The following RASGRF2 variants were observed in gnomAD, a reference collection of about 807,000 sequenced individuals.
RASGRF2 encodes Ras protein specific guanine nucleotide releasing factor 2, also known as ras-specific guanine nucleotide-releasing factor 2.
RASGRF2 carries 76 observed loss-of-function variants against 151.0 expected under a neutral mutation model. The ratio of observed to expected loss-of-function variants is 0.50; its 90% CI spans 0.42 to 0.61. The LOEUF is 0.61. Among genes scored for constraint, RASGRF2 ranks in the 20% least tolerant of loss-of-function variants. The probability of loss-of-function intolerance (pLI) is 0.00; values close to 1 mark genes in which losing one functional copy is unlikely to be tolerated. For synonymous variants in RASGRF2, 504 were observed against 566.5 expected (o/e 0.89, Z 1.57); for missense variants, 1,148 against 1,564.6 (o/e 0.73, Z 4.49).
At chr5:81,156,230 TCA>T (rs1754258294) in intron 17 of RASGRF2, among the ~76,000 whole-genome samples, 1 of 152,170 alleles carries the variant, frequency 6.6e-6, no homozygotes, top group Non-Finnish European at 1.5e-5. Flanking sequence ...CTAGATGGGC[TCA>T]CAGGTCTTTT....
intron 1 of RASGRF2, among the ~76,000 whole-genome samples, chr5:80,982,761 C>T (rs111789252): frequency 0.27 from 41,236 of 151,482 alleles, 5,985 homozygotes; most frequent in Middle Eastern, 0.41. Context: ...CCACCACCCC[C>T]GGCTCATTTT....
intron 12 of RASGRF2, among the ~76,000 whole-genome samples, chr5:81,098,933 A>G (rs1304080993): frequency 6.6e-6 from 1 of 152,242 alleles, no homozygotes; most frequent in Non-Finnish European, 1.5e-5. Context: ...TATTGTGTAT[A>G]TGTGAAAATA....
chr5:81,181,948 T>C (rs1361568648), intron 18 of RASGRF2, among the ~76,000 whole-genome samples: 1 of 146,152 alleles, frequency 6.8e-6, no homozygotes, highest in Non-Finnish European at 1.5e-5. Context: ...GACAGAATGC[T>C]GGGAGTTTTT....
chr5:81,092,023 G>A (rs1338002096), intron 9 of RASGRF2, among the ~76,000 whole-genome samples: 1 of 152,084 alleles, frequency 6.6e-6, no homozygotes, highest in African/African-American at 2.4e-5. Context: ...ACTTAGATTG[G>A]AATTTTATTT....
chr5:81,215,450 C>G (rs899176797), intron 23 of RASGRF2, among the ~76,000 whole-genome samples: 1 of 151,632 alleles, frequency 6.6e-6, no homozygotes, highest in African/African-American at 2.4e-5. Flanking sequence ...TTTGTACTTT[C>G]AATAGAGATG....
intron 19 of RASGRF2, 58 bp downstream of exon 19, chr5:81,201,500 A>G: frequency 6.6e-7 from 1 of 1,522,552 alleles, no homozygotes; most frequent in South Asian, 1.2e-5. Flanking sequence ...CTATGTTCAT[A>G]GAAAATAAGA....
intron 2 of RASGRF2, among the ~76,000 whole-genome samples, chr5:81,056,539 T>C (rs1269889034): frequency 6.6e-6 from 1 of 152,258 alleles, no homozygotes; most frequent in Non-Finnish European, 1.5e-5. Context: ...AGGAGTGCTT[T>C]ACTTCCAACT....
intron 8 of RASGRF2, 55 bp downstream of exon 8, chr5:81,085,966 C>T (rs1752218430): frequency 1.9e-6 from 3 of 1,610,586 alleles, no homozygotes; most frequent in Non-Finnish European, 1.7e-6. Context: ...AAGTTAGTCT[C>T]TTGTGGAAAC....
intron 16 of RASGRF2, 150 bp downstream of exon 16, chr5:81,123,917 T>C: frequency 9.2e-7 from 1 of 1,082,530 alleles, no homozygotes; most frequent in Non-Finnish European, 1.3e-6. Flanking sequence ...GTCGGCCCTT[T>C]GTATCTGTGG....
chr5:81,070,396 A>T (rs922669683), intron 3 of RASGRF2, 96 bp from the exon 4 acceptor site: 21 of 968,872 alleles, frequency 2.2e-5, no homozygotes, highest in Non-Finnish European at 3.3e-6. Flanking sequence ...TTTCCTGAGG[A>T]TCTCATTGGA....
chr5:81,215,517 C>T (rs1035167259), intron 23 of RASGRF2, among the ~76,000 whole-genome samples: 1 of 151,922 alleles, frequency 6.6e-6, no homozygotes, highest in African/African-American at 2.4e-5. Flanking sequence ...GTGATCAACC[C>T]GCCTCAGCCT....
intron 1 of RASGRF2, among the ~76,000 whole-genome samples, chr5:80,988,982 AT>A (rs552090820): frequency 3.2e-3 from 459 of 143,962 alleles, no homozygotes; most frequent in East Asian, 5.9e-3. Context: ...ATCATAATTG[AT>A]TTTTTTTTTT....
At position 81,060,479 on chromosome 5, in the gene RASGRF2, A is replaced by G. The variant is rs549412619; in HGVS notation, c.396-7553A>G. 2.4e-4 allele frequency among the ~76,000 whole-genome samples: 36 copies of G among 151,740 alleles called. No individual in the cohort carries two copies. In the South Asian group the frequency reaches 7.5e-3, roughly 32 times the overall value. ...CCCTACTTCCTGTTCTCCTCTTACCATTTTTCCTCTACAGTACTCATCACC... is the reference window on the plus strand; with the variant it reads ...CCCTACTTCCTGTTCTCCTCTTACCGTTTTTCCTCTACAGTACTCATCACC... On this transcript the variant is annotated intron_variant, in intron 2 of 26. Coordinates refer to ENST00000265080, the MANE Select transcript of RASGRF2 (RefSeq NM_006909.3).
intron 15 of RASGRF2, among the ~76,000 whole-genome samples, chr5:81,120,737 G>A (rs1038664674): frequency 6.6e-6 from 1 of 152,228 alleles, no homozygotes; most frequent in Non-Finnish European, 1.5e-5. Flanking sequence ...CCTGACTTTG[G>A]TTCCAAGCTC....
intron 9 of RASGRF2, among the ~76,000 whole-genome samples, chr5:81,089,220 T>TA (rs1200209020): frequency 6.6e-6 from 1 of 152,194 alleles, no homozygotes; most frequent in Non-Finnish European, 1.5e-5. Context: ...ATTATTATTT[T>TA]AAAAAAATTT....
At chr5:81,179,859 C>T (rs1754872128) in intron 17 of RASGRF2, among the ~76,000 whole-genome samples, 1 of 152,178 alleles carries the variant, frequency 6.6e-6, no homozygotes, top group South Asian at 2.1e-4. Flanking sequence ...GGTTAAGATT[C>T]CTTCTTGGCT....
At chr5:81,076,527 G>A (rs922596254) in intron 5 of RASGRF2, among the ~76,000 whole-genome samples, 11 of 151,548 alleles carry the variant, frequency 7.3e-5, no homozygotes, top group Non-Finnish European at 1.5e-5. Flanking sequence ...ACTAGGGCAG[G>A]GAAGGATTAG....
chr5:80,964,736 G>T (rs998692864), intron 1 of RASGRF2, among the ~76,000 whole-genome samples: 3 of 152,026 alleles, frequency 2.0e-5, no homozygotes, highest in Non-Finnish European at 4.4e-5. Context: ...TGAGAAATAC[G>T]ATTGCAGACC....
Position 81,225,784 on chromosome 5 carries a change from C to A in RASGRF2, c.*14C>A. 6.2e-7 allele frequency: 1 copy of A among 1,609,656 alleles called. No individual in the cohort carries two copies. The highest frequency in any genetic ancestry group is 8.5e-7 in the Non-Finnish European group (1 of 1,178,940). On this transcript the variant is annotated 3_prime_UTR_variant, in exon 27 of 27. Transcript: ENST00000265080. The stretch of plus-strand genomic sequence containing the variant: ...CTCCCTGCTTGAAGATCTGGCCTTG[C>A]CCCTGAGTCCACGGGATGTTCATGG...
Sources: allele counts gnomAD v4.1 joint callset (sites outside exome capture counted in the v4.1 genomes callset), GRCh38; gene constraint gnomAD v4.1.1; transcripts MANE v1.5; gene names NCBI Gene and HGNC (gene_info 2026-07-23, HGNC 2026-07-21).